The following NCOA1 variants were observed in gnomAD, a reference collection of about 807,000 sequenced individuals.
The protein encoded by NCOA1 is nuclear receptor coactivator 1, also known as Hin-2 protein.
Under a neutral mutation model 150.9 loss-of-function variants are expected in NCOA1, and 35 were observed. The ratio of observed to expected loss-of-function variants is 0.23; its 90% CI spans 0.18 to 0.31. The LOEUF (loss-of-function observed/expected upper bound fraction) is 0.31. Among genes scored for constraint, NCOA1 ranks in the 10% least tolerant of loss-of-function variants. NCOA1 has a pLI of 1.00. For synonymous variants in NCOA1, 590 were observed against 630.0 expected (o/e 0.94, Z 0.95); for missense variants, 1,491 against 1,749.3 (o/e 0.85, Z 2.63).
intron 21 of NCOA1, among the ~76,000 whole-genome samples, chr2:24,759,995 CTATT>C (rs1467616481): frequency 6.6e-6 from 1 of 151,542 alleles, no homozygotes; most frequent in Non-Finnish European, 1.5e-5. Context: ...CTATAATTGA[CTATT>C]TAAAGAAAAT....
intron 15 of NCOA1, 113 bp downstream of exon 15, chr2:24,726,819 G>C: frequency 2.5e-6 from 1 of 402,598 alleles, no homozygotes; most frequent in South Asian, 4.9e-5. Flanking sequence ...GATATTAATA[G>C]ATGTAAATAC....
chr2:24,751,090 C>A (rs1381069286), intron 19 of NCOA1, among the ~76,000 whole-genome samples: 3 of 150,384 alleles, frequency 2.0e-5, no homozygotes, highest in African/African-American at 7.3e-5. Flanking sequence ...CAGGTTCAAG[C>A]CATTTTCGTG....
chr2:24,673,422 G>T lies in NCOA1; in HGVS notation c.313G>T (p.Gly105Ter). Residue 105 changes from glycine (G) to a stop codon, truncating the protein, a stop_gained, in exon 7 of 23, where the codon GGA becomes TGA. Coordinates refer to ENST00000348332, the MANE Select transcript of NCOA1 (RefSeq NM_003743.5). LOFTEE classifies it high-confidence loss of function. The stretch of plus-strand genomic sequence containing the variant: ...ATCAGACATCTCATCAAGTAGTCAA[G>T]GAGTGATAGAAAAGGAATCCTTGGG... ...QKSDISSSSQ[G>*]VIEKESLGPL... 1 of 1,594,484 alleles carries T rather than the reference G, an allele frequency of 6.3e-7. No homozygotes were observed. Among genetic ancestry groups the T allele is most frequent in the Non-Finnish European group, 8.5e-7 (1 of 1,173,404 alleles).
chr2:24,657,634 A>G (rs1671004630), intron 4 of NCOA1, among the ~76,000 whole-genome samples: 1 of 152,232 alleles, frequency 6.6e-6, no homozygotes, highest in African/African-American at 2.4e-5. Flanking sequence ...GTCAGTTTTA[A>G]GACTAGAGAA....
chr2:24,663,828 C>T, intron 5 of NCOA1, among the ~76,000 whole-genome samples: 1 of 152,118 alleles, frequency 6.6e-6, no homozygotes, highest in Admixed American at 6.5e-5. Flanking sequence ...TTTCTCTATC[C>T]CCTCTCTGTC....
intron 3 of NCOA1, among the ~76,000 whole-genome samples, chr2:24,588,588 A>C (rs1667514588): frequency 6.6e-6 from 1 of 152,010 alleles, no homozygotes; most frequent in Non-Finnish European, 1.5e-5. Context: ...AAGACTTTAG[A>C]CTCATGATAA....
At chr2:24,638,054 C>T (rs530154213) in intron 3 of NCOA1, among the ~76,000 whole-genome samples, 5 of 152,170 alleles carry the variant, frequency 3.3e-5, no homozygotes, top group South Asian at 4.1e-4. Flanking sequence ...AACACTAGGA[C>T]TTATTCCTCC....
At chr2:24,564,907 T>A (rs1195665116) in intron 2 of NCOA1, among the ~76,000 whole-genome samples, 2 of 152,162 alleles carry the variant, frequency 1.3e-5, no homozygotes, top group African/African-American at 4.8e-5. Context: ...AGGAACTGAA[T>A]GCAGCACTCT....
chr2:24,516,939 T>TACGTGTATATATACGTGTATATATACAC (rs1352540110), intron 1 of NCOA1, among the ~76,000 whole-genome samples: 3 of 136,192 alleles, frequency 2.2e-5, no homozygotes, highest in African/African-American at 7.9e-5. Context: ...TGTGTATATA[T>TACGTGTATATATACGTGTATATATACAC]ATACGTATAT....
chr2:24,684,547 C>T (rs1026540470), intron 8 of NCOA1, among the ~76,000 whole-genome samples: 1 of 152,172 alleles, frequency 6.6e-6, no homozygotes, highest in South Asian at 2.1e-4. Flanking sequence ...GGTGCTGCTC[C>T]CGGCTGCTTA....
chr2:24,600,364 C>T (rs1345180493), intron 3 of NCOA1, among the ~76,000 whole-genome samples: 1 of 152,170 alleles, frequency 6.6e-6, no homozygotes, highest in African/African-American at 2.4e-5. Flanking sequence ...TGCCACCACG[C>T]CCTGCTAATT....
At chr2:24,574,552 A>C (rs1666873139) in intron 2 of NCOA1, among the ~76,000 whole-genome samples, 1 of 152,156 alleles carries the variant, frequency 6.6e-6, no homozygotes, top group African/African-American at 2.4e-5. Context: ...AAACAACCAG[A>C]AACTCAAAAC....
intron 3 of NCOA1, among the ~76,000 whole-genome samples, chr2:24,586,002 C>A (rs999591478): frequency 1.3e-5 from 2 of 151,974 alleles, no homozygotes; most frequent in South Asian, 4.1e-4. Context: ...GGGCCAGGGG[C>A]GGTGGCTCAC....
At chr2:24,690,716 G>A (rs1423570589) in intron 8 of NCOA1, among the ~76,000 whole-genome samples, 3 of 143,716 alleles carry the variant, frequency 2.1e-5, no homozygotes, top group Admixed American at 7.1e-5. Context: ...TCATGACCAC[G>A]TGATTTAAAC....
chr2:24,619,118 A>T (rs982008095), intron 3 of NCOA1, among the ~76,000 whole-genome samples: 1 of 152,208 alleles, frequency 6.6e-6, no homozygotes, highest in Non-Finnish European at 1.5e-5. Flanking sequence ...AGGACGTTTC[A>T]TAGTTTCTTT....
chr2:24,522,284 C>T (rs1326585901), intron 1 of NCOA1, among the ~76,000 whole-genome samples: 5 of 152,152 alleles, frequency 3.3e-5, no homozygotes, highest in African/African-American at 9.7e-5. Flanking sequence ...TACACCACTT[C>T]ATCTAGTTGT....
At chr2:24,749,758 A>G (rs1436562746) in intron 19 of NCOA1, among the ~76,000 whole-genome samples, 1 of 152,234 alleles carries the variant, frequency 6.6e-6, no homozygotes, top group African/African-American at 2.4e-5. Flanking sequence ...AAAATTCACA[A>G]GGTCTGGAAT....
intron 3 of NCOA1, among the ~76,000 whole-genome samples, chr2:24,604,484 G>A (rs1433348669): frequency 6.6e-6 from 1 of 152,150 alleles, no homozygotes; most frequent in Non-Finnish European, 1.5e-5. Context: ...AGATCTTCTG[G>A]ATAACTTGCT....
intron 2 of NCOA1, among the ~76,000 whole-genome samples, chr2:24,569,705 A>C (rs1179854455): frequency 6.6e-6 from 1 of 151,000 alleles, no homozygotes; most frequent in Non-Finnish European, 1.5e-5. Flanking sequence ...CCACGTCTCT[A>C]CTAAAAATAC....
Sources: gnomAD v4.1 joint callset for allele counts (sites outside exome capture counted in the v4.1 genomes callset) on GRCh38, gnomAD v4.1.1 for gene constraint, MANE v1.5 for transcripts, NCBI Gene and HGNC (gene_info 2026-07-23, HGNC 2026-07-21) for gene names.